The following SLC28A1 variants were observed in gnomAD, a reference collection of about 807,000 sequenced individuals.
The protein encoded by SLC28A1 is solute carrier family 28 member 1, also known as sodium/nucleoside cotransporter 1.
A neutral mutation model predicts 74.8 loss-of-function variants in SLC28A1; 64 were observed. The observed-to-expected ratio is 0.86, with a 90% confidence interval of 0.70 to 1.05. The LOEUF is 1.05. SLC28A1 is among the 50% of genes least tolerant of loss of function. The pLI, the probability that SLC28A1 is intolerant of heterozygous loss-of-function variation, is 0.00. For synonymous variants in SLC28A1, 359 were observed against 335.0 expected, an observed-to-expected ratio of 1.07 and a Z score of -0.78; for missense variants, 828 against 822.8, an observed-to-expected ratio of 1.01 and a Z score of -0.08.
chr15:84,903,698 G>A (rs553928101), intron 6 of SLC28A1, among the ~76,000 whole-genome samples: 1 of 152,192 alleles, frequency 6.6e-6, no homozygotes, highest in African/African-American at 2.4e-5. Flanking sequence ...GGTGGCACAG[G>A]TCCTTTCTCC....
At chr15:84,896,911 T>G (rs1208366045) in intron 6 of SLC28A1, among the ~76,000 whole-genome samples, 1 of 152,306 alleles carries the variant, frequency 6.6e-6, no homozygotes, top group African/African-American at 2.4e-5. Flanking sequence ...ATATGAAATG[T>G]CCAGAATGGG....
intron 15 of SLC28A1, among the ~76,000 whole-genome samples, chr15:84,941,856 T>G (rs1972760984): frequency 6.6e-6 from 1 of 152,182 alleles, no homozygotes; most frequent in Non-Finnish European, 1.5e-5. Flanking sequence ...TGGAAAGTGT[T>G]AAATTCGTGA....
intron 8 of SLC28A1, among the ~76,000 whole-genome samples, chr15:84,905,930 C>A: frequency 6.9e-6 from 1 of 145,092 alleles, no homozygotes; most frequent in African/African-American, 2.6e-5. Context: ...GTTAAAAGTG[C>A]TAAAAAAAAA....
chr15:84,887,618 G>A, intron 2 of SLC28A1, 127 bp from the exon 3 acceptor site: 2 of 1,536,856 alleles, frequency 1.3e-6, no homozygotes, highest in African/African-American at 2.7e-5. Context: ...GTGGCCCCCA[G>A]GCAGGGCTCT....
rs200446738 is a variant in SLC28A1 at position 84,945,179 on chromosome 15, C to A, written c.1929C>A (p.Asn643Lys). ...EALDNCCRFY[N>K]HTICAQ ...TGGACAACTGCTGTCGGTTTTACAA[C>A]CACACGATCTGTGCACAGTGAGGAC... The change falls in exon 19 of 19, where the codon AAC becomes AAA. Residue 643 changes from asparagine to lysine, a missense_variant. Physicochemically the swap from Asn to Lys is moderately conservative, Grantham distance 94 (BLOSUM62 0). Transcript: ENST00000394573. 6.2e-7 allele frequency: 1 copy of A among 1,614,030 alleles called. No homozygotes were observed. Among genetic ancestry groups the A allele is most frequent in the Non-Finnish European group, 8.5e-7 (1 of 1,179,948 alleles).
the SLC28A1 span, among the ~76,000 whole-genome samples, chr15:84,963,539 C>T: frequency 0.024 from 3,580 of 152,274 alleles, 148 homozygotes; most frequent in African/African-American, 0.082. Context: ...CACAAAGTGG[C>T]CCATCACACC....
At chr15:84,895,633 G>A in intron 6 of SLC28A1, 2 of 1,453,182 alleles carry the variant, frequency 1.4e-6, no homozygotes, top group South Asian at 1.4e-5. Flanking sequence ...CGATGTCACA[G>A]GGCAGGAGAG....
chr15:84,935,546 C>G, intron 15 of SLC28A1, 28 bp downstream of exon 15: 1 of 1,592,316 alleles, frequency 6.3e-7, no homozygotes, highest in Non-Finnish European at 8.6e-7. Context: ...TTCCCTGCAG[C>G]AGGGGGATGA....
intron 5 of SLC28A1, among the ~76,000 whole-genome samples, chr15:84,893,554 T>C (rs1262574871): frequency 7.6e-6 from 1 of 131,450 alleles, no homozygotes; most frequent in Non-Finnish European, 1.7e-5. Flanking sequence ...CCTTCATCCC[T>C]TCCTCTGGGG....
At position 84,945,277 on chromosome 15, in the gene SLC28A1, C is replaced by T; in HGVS notation, c.*77C>T. ...AACCATCTGTCCCCACCTTCCCTTT[C>T]CCAGAGCCCTCTTCAGGGAAGCCAC... On this transcript the variant is annotated 3_prime_UTR_variant, in exon 19 of 19. Transcript: ENST00000394573. 1.5e-6 allele frequency: 2 copies of T among 1,378,250 alleles called. No homozygotes were observed. The highest frequency in any genetic ancestry group is 2.1e-6 in the Non-Finnish European group (2 of 969,240). The allele number at this position is 1,378,250 out of a possible 1,614,324, so 85.4% of individuals were successfully genotyped here.
chr15:84,935,265 G>C, intron 14 of SLC28A1, 56 bp from the exon 15 acceptor site: 1 of 1,611,504 alleles, frequency 6.2e-7, no homozygotes, highest in Non-Finnish European at 8.5e-7. Flanking sequence ...GGTGGCTGGA[G>C]ACCTAGCAGA....
intron 9 of SLC28A1, among the ~76,000 whole-genome samples, chr15:84,912,799 C>CGCGCGCGCGT (rs1555449060): frequency 1.8e-4 from 10 of 56,108 alleles, no homozygotes; most frequent in African/African-American, 4.7e-4. Context: ...CCAAATTTTG[C>CGCGCGCGCGT]GCGCGCGCAC....
chr15:84,885,702 GC>G (rs71453272), intron 1 of SLC28A1, among the ~76,000 whole-genome samples: 1 of 142,360 alleles, frequency 7.0e-6, no homozygotes, highest in Non-Finnish European at 1.5e-5. Context: ...CTGTACTCCA[GC>G]CTGGGCAACA....
Position 84,888,852 on chromosome 15 carries a change from C to T in SLC28A1, c.177C>T (p.Phe59=). The T allele has an allele frequency of 6.4e-7, 1 of 1,551,184 alleles. No individual in the cohort carries two copies. Among genetic ancestry groups the T allele is most frequent in the Non-Finnish European group, 8.7e-7 (1 of 1,146,338 alleles). The change falls in exon 4 of 19, where the codon TTC becomes TTT. Residue 59 remains phenylalanine (F), a synonymous_variant. Coordinates refer to ENST00000394573, the MANE Select transcript of SLC28A1 (RefSeq NM_004213.5). ...SSWSEAAPKP[F]SRWRNLQPAL... Reference sequence around the variant, plus strand: ...GGAGCGAGGCGGCGCCGAAGCCCTTCTCCAGATGGTAGGTGATCTCTGGAG... The same window carrying T: ...GGAGCGAGGCGGCGCCGAAGCCCTTTTCCAGATGGTAGGTGATCTCTGGAG...
At chr15:84,905,401 C>T in intron 7 of SLC28A1, 138 bp from the exon 8 acceptor site, 2 of 688,290 alleles carry the variant, frequency 2.9e-6, no homozygotes, top group Non-Finnish European at 5.4e-6. Flanking sequence ...GGTGTGACCA[C>T]TGGCAACAGG....
chr15:84,961,420 C>T, the SLC28A1 span: 6 of 434,574 alleles, frequency 1.4e-5, no homozygotes, highest in Non-Finnish European at 1.8e-5. Flanking sequence ...TAGCCTCAAC[C>T]TCCTGGGCTC....
intron 9 of SLC28A1, among the ~76,000 whole-genome samples, chr15:84,912,828 A>T (rs954002925): frequency 6.6e-6 from 1 of 151,612 alleles, no homozygotes; most frequent in East Asian, 1.9e-4. Context: ...ACACACACAC[A>T]CACACACACA....
At chr15:84,965,809 T>C in the SLC28A1 span, among the ~76,000 whole-genome samples, 1 of 150,296 alleles carries the variant, frequency 6.7e-6, no homozygotes, top group East Asian at 2.0e-4. Context: ...CTGGCTAGAA[T>C]GTAAGTGTGA....
chr15:84,926,715 G>A (rs1320917288), intron 12 of SLC28A1, among the ~76,000 whole-genome samples: 1 of 147,506 alleles, frequency 6.8e-6, no homozygotes, highest in African/African-American at 2.5e-5. Context: ...TGGCCTGTAT[G>A]TGCTGATTTG....
Sources: gnomAD v4.1 joint callset for allele counts (sites outside exome capture counted in the v4.1 genomes callset) on GRCh38, gnomAD v4.1.1 for gene constraint, MANE v1.5 for transcripts, NCBI Gene and HGNC (gene_info 2026-07-23, HGNC 2026-07-21) for gene names.